ZNF618: variants seen among roughly 807,000 people sequenced by gnomAD.
The protein encoded by ZNF618 is neural precursor cell expressed, developmentally down-regulated 10.
In ZNF618, 34 loss-of-function variants were observed where a neutral mutation model predicts 103.0. The observed-to-expected ratio is 0.33, with a 90% CI of 0.25 to 0.44. ZNF618 has a LOEUF of 0.44. Ranked by LOEUF, ZNF618 falls within the 20% of genes least tolerant of loss-of-function variation. ZNF618 has a pLI of 1.00. For missense variants in ZNF618, 1,059 were observed against 1,295.4 expected, an observed-to-expected ratio of 0.82 and a Z score of 2.80; for synonymous variants, 551 against 542.2, an observed-to-expected ratio of 1.02 and a Z score of -0.23.
intron 4 of ZNF618, 38 bp downstream of exon 4, chr9:113,998,392 C>T (rs1315561278): frequency 2.0e-6 from 3 of 1,523,974 alleles, no homozygotes; most frequent in South Asian, 2.4e-5. Flanking sequence ...GATCCGGGGC[C>T]AGTATGGGTG....
intron 2 of ZNF618, among the ~76,000 whole-genome samples, chr9:113,975,102 T>C (rs12349112): frequency 0.03 from 4,584 of 152,206 alleles, 209 homozygotes; most frequent in African/African-American, 0.099. Context: ...GGGGTGGCAA[T>C]TGATTCCTTG....
At chr9:114,026,975 A>G (rs1214739346) in intron 10 of ZNF618, among the ~76,000 whole-genome samples, 1 of 152,164 alleles carries the variant, frequency 6.6e-6, no homozygotes. Flanking sequence ...TCCAGACTCA[A>G]GGCTGGTTCC....
At chr9:114,035,266 A>G in intron 12 of ZNF618, 1 of 985,526 alleles carries the variant, frequency 1.0e-6, no homozygotes, top group Non-Finnish European at 1.2e-6. Flanking sequence ...GGGGCTGGAG[A>G]GGGCAAGGCA....
At position 114,056,033 on chromosome 9, in the gene ZNF618, G is replaced by A. The variant is rs1846468223; in HGVS notation, c.*5866G>A. 2 of 152,126 alleles carry A rather than the reference G, an allele frequency of 1.3e-5. No homozygotes were observed. The highest frequency in any genetic ancestry group is 6.6e-5 in the Admixed American group (1 of 15,230). The allele number at this position is 152,126 out of a possible 1,614,324, so 9.4% of individuals were successfully genotyped here. On this transcript the variant is annotated 3_prime_UTR_variant, in exon 15 of 15. Coordinates refer to ENST00000374126, the MANE Select transcript of ZNF618 (RefSeq NM_001318042.2). ...GCTGTGTTAATTAACAAAAGATGTT[G>A]TGTGCGGTCTCCTGTATCGGTGTGG...
chr9:114,003,195 G>A (rs1309575523), intron 6 of ZNF618, among the ~76,000 whole-genome samples: 3 of 152,232 alleles, frequency 2.0e-5, no homozygotes, highest in Non-Finnish European at 4.4e-5. Context: ...CAGCACCTGG[G>A]GCGGCACAGG....
intron 6 of ZNF618, among the ~76,000 whole-genome samples, chr9:114,005,808 T>G (rs1475731397): frequency 6.6e-6 from 1 of 152,152 alleles, no homozygotes; most frequent in Middle Eastern, 3.2e-3. Flanking sequence ...AGGCACAGAA[T>G]CCTAGAACCA....
chr9:114,030,046 C>T (rs1018192250), intron 11 of ZNF618, among the ~76,000 whole-genome samples: 3 of 152,096 alleles, frequency 2.0e-5, no homozygotes, highest in Admixed American at 6.5e-5. Flanking sequence ...CTCAGGAGAC[C>T]AAAGCCATTT....
In ZNF618 at chr9:114,028,944, G is replaced by C; in HGVS notation, c.1056G>C (p.Ser352=). 1 of 1,550,670 alleles carries C rather than the reference G, an allele frequency of 6.4e-7. No individual in the cohort carries two copies. The highest frequency in any genetic ancestry group is 8.7e-7 in the Non-Finnish European group (1 of 1,147,004). The part of the protein sequence containing the change: ...TQTQTFRTPN[S]GSPASKATAA... ...CCCAGACGTTCCGCACTCCAAATTC[G>C]GGATCTCCGGCGAGCAAGGCAACCG... Residue 352 remains serine, a synonymous_variant, in exon 11 of 15, where the codon TCG becomes TCC. Coordinates refer to ENST00000374126, the MANE Select transcript of ZNF618 (RefSeq NM_001318042.2).
At chr9:114,027,208 T>C (rs1843588090) in intron 10 of ZNF618, among the ~76,000 whole-genome samples, 1 of 150,682 alleles carries the variant, frequency 6.6e-6, no homozygotes, top group South Asian at 2.1e-4. Context: ...AGCAGGAGAG[T>C]AGGTATACAA....
intron 11 of ZNF618, among the ~76,000 whole-genome samples, chr9:114,031,054 G>A (rs527639081): frequency 2.0e-5 from 3 of 152,130 alleles, no homozygotes; most frequent in African/African-American, 4.8e-5. Flanking sequence ...TGGAGGGTTA[G>A]GAGTACATCC....
At chr9:114,010,895 T>C (rs1441617446) in intron 9 of ZNF618, among the ~76,000 whole-genome samples, 1 of 152,146 alleles carries the variant, frequency 6.6e-6, no homozygotes, top group African/African-American at 2.4e-5. Flanking sequence ...TCAGACAGGC[T>C]TAGGTTTGAA....
intron 2 of ZNF618, among the ~76,000 whole-genome samples, chr9:113,987,588 G>A (rs894420805): frequency 2.0e-5 from 3 of 152,170 alleles, no homozygotes; most frequent in African/African-American, 7.2e-5. Context: ...GCCTAGGAAC[G>A]AAGGGAACAG....
intron 7 of ZNF618, among the ~76,000 whole-genome samples, chr9:114,008,068 A>G (rs1387447817): frequency 1.3e-5 from 2 of 152,198 alleles, no homozygotes; most frequent in African/African-American, 4.8e-5. Flanking sequence ...AATCAGAAAC[A>G]GATCCAGGCA....
At position 113,976,860 on chromosome 9, in the gene ZNF618, A is replaced by G. The variant is rs79407672; in HGVS notation, c.77+7700A>G. On this transcript the variant is annotated intron_variant, in intron 2 of 14. Transcript: ENST00000374126. ...ACTAACTAATATGCATTGAGTTCCT[A>G]TTAGATATATGGCACTTTACATCCA... Among the ~76,000 whole-genome samples, 81 of 152,292 alleles carry G rather than the reference A, an allele frequency of 5.3e-4. 2 individuals are homozygous for G. The East Asian group carries it at 0.014, about 27-fold the overall frequency.
chr9:113,968,526 A>T lies in ZNF618; in HGVS notation c.34-591A>T, dbSNP rs1837644958. Among the ~76,000 whole-genome samples, 3 of 152,206 alleles carry T rather than the reference A, an allele frequency of 2.0e-5. 1 individual carries two copies. In the Middle Eastern group the frequency reaches 0.01, roughly 518 times the overall value. The stretch of plus-strand genomic sequence containing the variant: ...GTCAGGACCCCTGGAGTTTGTTTTC[A>T]TGAGACTTCAGGTAGCTCCCTCTGT... On this transcript the variant is annotated intron_variant, in intron 1 of 14. Coordinates refer to ENST00000374126, the MANE Select transcript of ZNF618 (RefSeq NM_001318042.2).
intron 1 of ZNF618, among the ~76,000 whole-genome samples, chr9:113,909,244 C>T (rs1034801414): frequency 7.9e-5 from 12 of 152,158 alleles, no homozygotes; most frequent in South Asian, 2.1e-4. Context: ...AGGCATGTCC[C>T]GGCCTGATAC....
intron 10 of ZNF618, among the ~76,000 whole-genome samples, chr9:114,019,418 C>T (rs1022425123): frequency 6.6e-6 from 1 of 152,166 alleles, no homozygotes; most frequent in Non-Finnish European, 1.5e-5. Context: ...AAGTGACAAA[C>T]CATTTTCCAA....
chr9:113,948,259 A>T (rs1386975470), intron 1 of ZNF618, among the ~76,000 whole-genome samples: 1 of 152,202 alleles, frequency 6.6e-6, no homozygotes, highest in Non-Finnish European at 1.5e-5. Flanking sequence ...AACCAGGCAG[A>T]ACTGATTCCT....
chr9:114,020,545 C>T (rs979111839), intron 10 of ZNF618, among the ~76,000 whole-genome samples: 1 of 152,064 alleles, frequency 6.6e-6, no homozygotes, highest in African/African-American at 2.4e-5. Flanking sequence ...TTCCATATCT[C>T]CAAGTATTTT....
Sources: gnomAD v4.1 joint callset for allele counts (sites outside exome capture counted in the v4.1 genomes callset) on GRCh38, gnomAD v4.1.1 for gene constraint, MANE v1.5 for transcripts, NCBI Gene and HGNC (gene_info 2026-07-23, HGNC 2026-07-21) for gene names.